CFAP96: variants seen among roughly 807,000 people sequenced by gnomAD.
The protein encoded by CFAP96 is cilia and flagella associated protein 96, also known as cilia-and flagella-associated protein 96.
chr4:185,445,303 T>TGCC, the CFAP96 span: 7 of 705,132 alleles, frequency 9.9e-6, no homozygotes, highest in South Asian at 2.2e-5. Flanking sequence ...TTGTAGAAGT[T>TGCC]CTCCCCCATC....
chr4:185,448,585 T>A, the CFAP96 span, among the ~76,000 whole-genome samples: 1 of 152,198 alleles, frequency 6.6e-6, no homozygotes, highest in Non-Finnish European at 1.5e-5. Context: ...TAATTTAAAC[T>A]GTTGTCTACA....
chr4:185,415,361 T>G, the CFAP96 span: 1 of 1,546,328 alleles, frequency 6.5e-7, no homozygotes, highest in South Asian at 1.3e-5. Flanking sequence ...TGGGGGGAAA[T>G]ATATAAGTGT....
At chr4:185,436,381 T>A in the CFAP96 span, 3 of 1,469,266 alleles carry the variant, frequency 2.0e-6, no homozygotes, top group Non-Finnish European at 2.8e-6. Flanking sequence ...GTTTTGAATG[T>A]TTCAACCTTT....
At chr4:185,433,757 C>T in the CFAP96 span, among the ~76,000 whole-genome samples, 1 of 151,910 alleles carries the variant, frequency 6.6e-6, no homozygotes, top group African/African-American at 2.4e-5. Context: ...TAAAAATTAG[C>T]CGGGCGTGGT....
the CFAP96 span, chr4:185,429,474 T>C: frequency 6.6e-5 from 102 of 1,538,882 alleles, no homozygotes; most frequent in Non-Finnish European, 8.4e-5. Flanking sequence ...AGATGGAATA[T>C]ATTACTGTGG....
chr4:185,413,374 C>T, the CFAP96 span, among the ~76,000 whole-genome samples: 11 of 151,866 alleles, frequency 7.2e-5, no homozygotes, highest in African/African-American at 2.4e-4. Context: ...AGTGACAGAG[C>T]GAGACTCTGT....
chr4:185,409,954 CTGACATTG>C, the CFAP96 span, among the ~76,000 whole-genome samples: 1 of 152,194 alleles, frequency 6.6e-6, no homozygotes, highest in African/African-American at 2.4e-5. Context: ...GGTGGTCCTG[CTGACATTG>C]TGATGTCAGC....
the CFAP96 span, chr4:185,415,630 T>C: frequency 7.2e-6 from 9 of 1,248,056 alleles, no homozygotes; most frequent in Non-Finnish European, 9.9e-6. Flanking sequence ...ACACCTTAGG[T>C]ATACCTACAG....
chr4:185,432,102 G>T, the CFAP96 span: 1 of 1,551,722 alleles, frequency 6.4e-7, no homozygotes, highest in Non-Finnish European at 8.7e-7. Flanking sequence ...GAAGGTGAAG[G>T]CTACATAAAT....
At chr4:185,436,744 ATTCAC>A in the CFAP96 span, among the ~76,000 whole-genome samples, 1 of 147,868 alleles carries the variant, frequency 6.8e-6, no homozygotes, top group African/African-American at 2.5e-5. Context: ...AATAATAATA[ATTCAC>A]TTGAGATCTA....
the CFAP96 span, among the ~76,000 whole-genome samples, chr4:185,435,480 A>G: frequency 2.0e-5 from 3 of 152,232 alleles, no homozygotes; most frequent in African/African-American, 7.2e-5. Flanking sequence ...AAAATTTGTT[A>G]AAGTGCTGGA....
chr4:185,442,403 T>C, the CFAP96 span, among the ~76,000 whole-genome samples: 2 of 152,266 alleles, frequency 1.3e-5, no homozygotes, highest in South Asian at 2.1e-4. Context: ...TATTTATTCC[T>C]AGTTATTTTA....
chr4:185,437,993 C>T, the CFAP96 span, among the ~76,000 whole-genome samples: 9 of 151,004 alleles, frequency 6.0e-5, no homozygotes, highest in African/African-American at 2.2e-4. Context: ...TATGTCCTTT[C>T]CTCTGGCCAC....
At chr4:185,418,868 A>G in the CFAP96 span, 1 of 917,310 alleles carries the variant, frequency 1.1e-6, no homozygotes, top group East Asian at 2.8e-5. Context: ...AAAACTCTCA[A>G]TACCTATTCC....
At chr4:185,447,074 C>T in the CFAP96 span, among the ~76,000 whole-genome samples, 1 of 152,178 alleles carries the variant, frequency 6.6e-6, no homozygotes, top group African/African-American at 2.4e-5. Context: ...GGAGCTTCTA[C>T]TGAACTTCTA....
At chr4:185,445,569 A>G in the CFAP96 span, 14 of 1,392,990 alleles carry the variant, frequency 1.0e-5, no homozygotes, top group Non-Finnish European at 1.4e-5. Context: ...TATTCTGGTT[A>G]ATTAAAAATG....
chr4:185,419,218 G>A, the CFAP96 span, among the ~76,000 whole-genome samples: 2 of 151,806 alleles, frequency 1.3e-5, no homozygotes, highest in Admixed American at 6.6e-5. Flanking sequence ...TGCAAGCTCC[G>A]CCTCCCGGGT....
At chr4:185,438,522 A>G in the CFAP96 span, among the ~76,000 whole-genome samples, 1 of 152,156 alleles carries the variant, frequency 6.6e-6, no homozygotes, top group Non-Finnish European at 1.5e-5. Context: ...TAATGCTAAC[A>G]TCTATATTAG....
At chr4:185,443,342 A>ATATATATATTTTTTTTTTT in the CFAP96 span, among the ~76,000 whole-genome samples, 7 of 26,726 alleles carry the variant, frequency 2.6e-4, 1 homozygote, top group East Asian at 1.5e-3. Context: ...ATATATATAT[A>ATATATATATTTTTTTTTTT]TTTTTTTTTT....
Sources: allele counts gnomAD v4.1 joint callset (sites outside exome capture counted in the v4.1 genomes callset), GRCh38; gene constraint gnomAD v4.1.1; transcripts MANE v1.5; gene names NCBI Gene and HGNC (gene_info 2026-07-23, HGNC 2026-07-21).